Variants in SLC9A9 observed in about 807,000 individuals in gnomAD.
SLC9A9 encodes the protein solute carrier family 9 member A9, also known as sodium/hydrogen exchanger 9.
In SLC9A9, 62 loss-of-function variants were observed where a neutral mutation model predicts 77.8. The ratio of observed to expected loss-of-function variants is 0.80; its 90% CI spans 0.65 to 0.98. The LOEUF is 0.98. SLC9A9 is among the 50% of genes least tolerant of loss of function. SLC9A9 has a pLI of 0.00. For missense variants in SLC9A9, 775 were observed against 774.9 expected, an observed-to-expected ratio of 1.00 and a Z score of 0.00; for synonymous variants, 320 against 283.5, an observed-to-expected ratio of 1.13 and a Z score of -1.29.
chr3:143,719,872 A>C (rs748309003), intron 4 of SLC9A9, among the ~76,000 whole-genome samples: 5 of 152,098 alleles, frequency 3.3e-5, no homozygotes, highest in Non-Finnish European at 7.4e-5. Context: ...CAAAGAAATC[A>C]ATCGGAGTCA....
chr3:143,779,611 T>C (rs1385666359), intron 4 of SLC9A9, among the ~76,000 whole-genome samples: 3 of 152,162 alleles, frequency 2.0e-5, no homozygotes, highest in Middle Eastern at 3.2e-3. Flanking sequence ...CCTCAGGTGA[T>C]CCATCCACTT....
intron 11 of SLC9A9, among the ~76,000 whole-genome samples, chr3:143,473,092 G>A (rs1423050083): frequency 6.6e-6 from 1 of 151,870 alleles, no homozygotes; most frequent in East Asian, 1.9e-4. Context: ...ATCCCGACTA[G>A]AGATTCTGAT....
rs780759894 is a variant in SLC9A9, at chr3:143,578,641, C to T, written c.838G>A (p.Gly280Arg). 1.9e-6 allele frequency: 3 copies of T among 1,614,014 alleles called. No individual in the cohort carries two copies. In the Admixed American group the frequency reaches 5.0e-5, roughly 27 times the overall value. ...ATTGCAAATGAGCCAGCGAAGATTCCCAGGAAATTCCCCACAGACTGGAAG... is the reference window on the plus strand; with the variant it reads ...ATTGCAAATGAGCCAGCGAAGATTCTCAGGAAATTCCCCACAGACTGGAAG... ...AFFQSVGNFLGIFAGSFAMGS... is the reference protein window; with the variant it reads ...AFFQSVGNFLRIFAGSFAMGS... Residue 280 changes from glycine (G) to arginine (R), a missense_variant, in exon 7 of 16, where the codon GGA becomes AGA. Transcript: ENST00000316549.
At chr3:143,711,966 C>T (rs1037374113) in intron 4 of SLC9A9, among the ~76,000 whole-genome samples, 5 of 152,196 alleles carry the variant, frequency 3.3e-5, no homozygotes, top group African/African-American at 1.2e-4. Context: ...GTTATCTGCT[C>T]TATTCAATAC....
chr3:143,736,127 CA>C (rs1449846156), intron 4 of SLC9A9, among the ~76,000 whole-genome samples: 1 of 152,122 alleles, frequency 6.6e-6, no homozygotes, highest in Non-Finnish European at 1.5e-5. Context: ...GAACTTCTAA[CA>C]ATTCTTTAAA....
intron 4 of SLC9A9, among the ~76,000 whole-genome samples, chr3:143,743,197 AGATGGATAGATGGATGGATGGATG>A (rs1201600029): frequency 6.1e-5 from 9 of 148,220 alleles, no homozygotes; most frequent in Admixed American, 2.0e-4. Flanking sequence ...ATGGATGGAT[AGATGGATAGATGGATGGATGGATG>A]GATGGATGGA....
intron 11 of SLC9A9, among the ~76,000 whole-genome samples, chr3:143,480,508 G>A (rs985508027): frequency 2.1e-4 from 32 of 152,312 alleles, no homozygotes; most frequent in Non-Finnish European, 3.7e-4. Flanking sequence ...CCTTGTGATT[G>A]CTTGACACAG....
intron 6 of SLC9A9, among the ~76,000 whole-genome samples, chr3:143,590,143 C>T (rs146359013): frequency 9.9e-5 from 15 of 152,280 alleles, no homozygotes; most frequent in South Asian, 2.1e-4. Flanking sequence ...TGCCATCCTA[C>T]GCAGTTTGTC....
chr3:143,318,892 C>T (rs1045152512), intron 14 of SLC9A9, among the ~76,000 whole-genome samples: 2 of 152,046 alleles, frequency 1.3e-5, no homozygotes, highest in Non-Finnish European at 2.9e-5. Context: ...AGCTTGGCCA[C>T]GCAAGATGTG....
At chr3:143,485,367 T>G (rs1172765239) in intron 11 of SLC9A9, among the ~76,000 whole-genome samples, 1 of 152,134 alleles carries the variant, frequency 6.6e-6, no homozygotes, top group Non-Finnish European at 1.5e-5. Flanking sequence ...TCACCTTCGA[T>G]TTTCTTTTTC....
chr3:143,837,615 C>T (rs2009601762), intron 1 of SLC9A9, among the ~76,000 whole-genome samples: 1 of 152,198 alleles, frequency 6.6e-6, no homozygotes, highest in African/African-American at 2.4e-5. Context: ...GTTTACCCCA[C>T]AAAGCTCTGG....
At chr3:143,710,105 G>T (rs763154001) in intron 4 of SLC9A9, among the ~76,000 whole-genome samples, 9 of 152,218 alleles carry the variant, frequency 5.9e-5, no homozygotes, top group Non-Finnish European at 1.0e-4. Context: ...GGGATGAATT[G>T]TATCAACTCA....
At chr3:143,398,518 G>A (rs929182660) in intron 12 of SLC9A9, among the ~76,000 whole-genome samples, 40 of 152,142 alleles carry the variant, frequency 2.6e-4, no homozygotes, top group African/African-American at 9.4e-4. Flanking sequence ...TAAAACATAT[G>A]GAGTTTGGGA....
intron 8 of SLC9A9, among the ~76,000 whole-genome samples, chr3:143,565,320 G>T (rs968612974): frequency 1.3e-5 from 2 of 152,124 alleles, no homozygotes; most frequent in African/African-American, 4.8e-5. Context: ...TGTTATTTGT[G>T]CCATCTTCTG....
intron 14 of SLC9A9, among the ~76,000 whole-genome samples, chr3:143,288,669 A>G (rs1275867192): frequency 6.6e-6 from 1 of 152,198 alleles, no homozygotes; most frequent in Non-Finnish European, 1.5e-5. Flanking sequence ...GCAGAGCCCT[A>G]TTGGCAGTGA....
intron 14 of SLC9A9, among the ~76,000 whole-genome samples, chr3:143,270,004 G>A (rs1330125068): frequency 1.3e-5 from 2 of 152,216 alleles, no homozygotes; most frequent in Non-Finnish European, 2.9e-5. Context: ...CCCAGTGGAG[G>A]CTAAAGAATC....
chr3:143,334,966 A>G (rs2031879549), intron 14 of SLC9A9, among the ~76,000 whole-genome samples: 1 of 151,848 alleles, frequency 6.6e-6, no homozygotes, highest in Admixed American at 6.6e-5. Flanking sequence ...TAGGCATGAA[A>G]AAAAAAAATA....
chr3:143,686,381 A>G (rs1049758343), intron 5 of SLC9A9, among the ~76,000 whole-genome samples: 1 of 152,176 alleles, frequency 6.6e-6, no homozygotes, highest in African/African-American at 2.4e-5. Flanking sequence ...GTGATTAGTA[A>G]TTAGTGATGT....
intron 12 of SLC9A9, among the ~76,000 whole-genome samples, chr3:143,464,999 A>G (rs2035259776): frequency 1.3e-5 from 2 of 152,186 alleles, no homozygotes; most frequent in Non-Finnish European, 1.5e-5. Context: ...AGCTGAGATC[A>G]TCAACTTGCT....
Sources: allele counts gnomAD v4.1 joint callset (sites outside exome capture counted in the v4.1 genomes callset), GRCh38; gene constraint gnomAD v4.1.1; transcripts MANE v1.5; gene names NCBI Gene and HGNC (gene_info 2026-07-23, HGNC 2026-07-21).